The following SNTG2 variants were observed in gnomAD, a reference collection of about 807,000 sequenced individuals.
SNTG2 encodes the protein syntrophin gamma 2.
Under a neutral mutation model 70.9 loss-of-function variants are expected in SNTG2, and 74 were observed. The ratio of observed to expected loss-of-function variants is 1.04; its 90% CI spans 0.86 to 1.27. The LOEUF is 1.27. SNTG2 is among the 50% of genes most tolerant of loss of function. SNTG2 has a pLI of 0.00. For missense variants in SNTG2, 717 were observed against 690.7 expected, an observed-to-expected ratio of 1.04 and a Z score of -0.43; for synonymous variants, 278 against 273.8, an observed-to-expected ratio of 1.02 and a Z score of -0.15.
At chr2:1,281,238 GGT>G (rs1553272227) in intron 14 of SNTG2, among the ~76,000 whole-genome samples, 7 of 2,804 alleles carry the variant, frequency 2.5e-3, no homozygotes, top group East Asian at 9.9e-3. Context: ...TATGTGGTGT[GGT>G]GTGTGGTGTG....
chr2:1,176,147 T>G (rs1182555524), intron 8 of SNTG2, among the ~76,000 whole-genome samples: 1 of 152,234 alleles, frequency 6.6e-6, no homozygotes, highest in African/African-American at 2.4e-5. Context: ...CTTAAAATTC[T>G]TTGTAGTTAT....
chr2:1,168,779 G>A (rs1203659414), intron 7 of SNTG2, among the ~76,000 whole-genome samples: 2 of 152,198 alleles, frequency 1.3e-5, no homozygotes, highest in Non-Finnish European at 2.9e-5. Context: ...GCTAGAAGGA[G>A]CCACGGGAGC....
At position 1,348,048 on chromosome 2, in the gene SNTG2, C is replaced by T. The variant is rs78135049; in HGVS notation, c.1489-19295C>T. On this transcript the variant is annotated intron_variant, in intron 16 of 16. Transcript: ENST00000308624. ...TCAGGGCAATTTAAATCTGTATCCCCGGGTTGCAACTCTCAAGCTTGGCTC... is the reference window on the plus strand; with the variant it reads ...TCAGGGCAATTTAAATCTGTATCCCTGGGTTGCAACTCTCAAGCTTGGCTC... 6.8e-3 allele frequency among the ~76,000 whole-genome samples: 1,034 copies of T among 152,024 alleles called. 8 individuals carry two copies. The highest frequency in any genetic ancestry group is 0.012 in the Non-Finnish European group (815 of 68,006).
At position 1,173,831 on chromosome 2, in the gene SNTG2, C is replaced by T. The variant is rs190021640; in HGVS notation, c.591+648C>T. On this transcript the variant is annotated intron_variant, in intron 8 of 16. Coordinates refer to ENST00000308624, the MANE Select transcript of SNTG2 (RefSeq NM_018968.4). ...TCTCAGAAGCCTGGGCTCCAACTCC[C>T]GCAGGGTGACCTGTGAGCTGCGCCC... is the stretch of plus-strand genomic sequence containing the variant. Among the ~76,000 whole-genome samples, 17 of 152,384 alleles carry T rather than the reference C, an allele frequency of 1.1e-4. No individual in the cohort carries two copies. The East Asian group carries it at 2.1e-3, about 19-fold the overall frequency.
rs201980167 is a variant in SNTG2 at position 1,173,112 on chromosome 2, G to A, written c.520G>A (p.Asp174Asn). ...LPLGSPGPSS[D>N]HSSGASSPLF... ...TGCAGGGTCCCCAGGGCCATCCAGC[G>A]ACCACAGCAGTGGGGCCTCCTCTCC... Residue 174 changes from aspartate to asparagine, a missense_variant, in exon 8 of 17, where the codon GAC (aspartate) becomes AAC (asparagine). Transcript: ENST00000308624. 2.0e-4 allele frequency: 315 copies of A among 1,613,954 alleles called. 1 individual carries two copies. Among genetic ancestry groups the A allele is most frequent in the Middle Eastern group, 3.3e-4 (2 of 6,058 alleles).
At chr2:1,252,092 G>T (rs1572865626) in intron 12 of SNTG2, among the ~76,000 whole-genome samples, 1 of 152,210 alleles carries the variant, frequency 6.6e-6, no homozygotes, top group African/African-American at 2.4e-5. Context: ...TACGCAGAGA[G>T]CTCCCGATGC....
chr2:977,457 CCTT>C (rs1359341624), intron 1 of SNTG2, among the ~76,000 whole-genome samples: 2 of 152,122 alleles, frequency 1.3e-5, no homozygotes, highest in Non-Finnish European at 2.9e-5. Context: ...CTCTTAAGCT[CCTT>C]CTTCACCACC....
intron 1 of SNTG2, among the ~76,000 whole-genome samples, chr2:991,271 C>T (rs1206753644): frequency 6.6e-6 from 1 of 151,896 alleles, no homozygotes; most frequent in Non-Finnish European, 1.5e-5. Context: ...ATGCCACAAC[C>T]TCAAAGAATG....
intron 4 of SNTG2, among the ~76,000 whole-genome samples, chr2:1,099,845 G>A (rs780047383): frequency 7.2e-5 from 11 of 152,216 alleles, no homozygotes; most frequent in Non-Finnish European, 1.3e-4. Context: ...ATTTGCATCC[G>A]GGTAAAGATT....
intron 14 of SNTG2, among the ~76,000 whole-genome samples, chr2:1,268,139 T>C (rs1398303267): frequency 6.6e-6 from 1 of 152,186 alleles, no homozygotes; most frequent in African/African-American, 2.4e-5. Flanking sequence ...ATTATAATCC[T>C]CCTTATCCTA....
chr2:1,336,827 G>A (rs939466053), intron 16 of SNTG2, among the ~76,000 whole-genome samples: 6 of 152,096 alleles, frequency 3.9e-5, no homozygotes, highest in South Asian at 4.1e-4. Flanking sequence ...TTCTGTTTTA[G>A]CACTAGTACC....
intron 6 of SNTG2, among the ~76,000 whole-genome samples, chr2:1,154,955 A>C (rs1669762998): frequency 2.1e-5 from 1 of 46,686 alleles, no homozygotes; most frequent in South Asian, 7.1e-4. Context: ...ATAAACTCAC[A>C]CCACACACAA....
intron 14 of SNTG2, among the ~76,000 whole-genome samples, chr2:1,275,902 A>G (rs557623344): frequency 4.6e-5 from 7 of 152,358 alleles, no homozygotes; most frequent in Non-Finnish European, 8.8e-5. Flanking sequence ...CAAAACAGCC[A>G]TACTGCTGCT....
At chr2:990,285 A>G (rs756351300) in intron 1 of SNTG2, among the ~76,000 whole-genome samples, 7 of 152,194 alleles carry the variant, frequency 4.6e-5, no homozygotes, top group African/African-American at 1.7e-4. Flanking sequence ...GGTGCTAATC[A>G]GAGGAGGAGC....
intron 8 of SNTG2, among the ~76,000 whole-genome samples, chr2:1,187,866 A>G (rs1284032956): frequency 1.3e-5 from 2 of 152,244 alleles, no homozygotes; most frequent in South Asian, 4.1e-4. Flanking sequence ...TCATAAAACT[A>G]TCTTTCCAGA....
chr2:1,337,872 T>C lies in SNTG2; in HGVS notation c.1488+21497T>C, dbSNP rs1377156483. ...AGGTCCTTGATTCATTTGGGGTTAATTTTTATATATGGTATAAGGTAAGAG... is the reference window on the plus strand; with the variant it reads ...AGGTCCTTGATTCATTTGGGGTTAACTTTTATATATGGTATAAGGTAAGAG... On this transcript the variant is annotated intron_variant, in intron 16 of 16. Coordinates refer to ENST00000308624, the MANE Select transcript of SNTG2 (RefSeq NM_018968.4). 3.3e-5 allele frequency among the ~76,000 whole-genome samples: 5 copies of C among 152,308 alleles called. No homozygotes were observed. In the East Asian group the frequency reaches 9.6e-4, roughly 29 times the overall value.
intron 4 of SNTG2, among the ~76,000 whole-genome samples, chr2:1,134,649 C>T (rs1054227869): frequency 3.3e-5 from 5 of 152,212 alleles, no homozygotes; most frequent in African/African-American, 1.2e-4. Flanking sequence ...GACTCAGGAG[C>T]CTAGCTGGCT....
At chr2:1,063,199 A>G (rs1662935753) in intron 1 of SNTG2, among the ~76,000 whole-genome samples, 1 of 152,216 alleles carries the variant, frequency 6.6e-6, no homozygotes, top group Non-Finnish European at 1.5e-5. Context: ...AAATTCGTAA[A>G]GTATAAACCC....
chr2:1,044,748 T>A (rs1346372141), intron 1 of SNTG2, among the ~76,000 whole-genome samples: 3 of 152,220 alleles, frequency 2.0e-5, no homozygotes, highest in Non-Finnish European at 2.9e-5. Flanking sequence ...GCCTACTTGA[T>A]AGTGGTGTAT....
Sources: gnomAD v4.1 joint callset for allele counts (sites outside exome capture counted in the v4.1 genomes callset) on GRCh38, gnomAD v4.1.1 for gene constraint, MANE v1.5 for transcripts, NCBI Gene and HGNC (gene_info 2026-07-23, HGNC 2026-07-21) for gene names.